PTPRC: variants seen among roughly 807,000 people sequenced by gnomAD.
The protein encoded by PTPRC is receptor-type tyrosine-protein phosphatase C.
A neutral mutation model predicts 155.9 loss-of-function variants in PTPRC; 44 were observed. The observed-to-expected ratio is 0.28, with a 90% confidence interval of 0.22 to 0.36. The LOEUF (loss-of-function observed/expected upper bound fraction) is 0.36. Ranked by LOEUF, PTPRC falls within the 10% of genes least tolerant of loss-of-function variation. The pLI, the probability that PTPRC is intolerant of heterozygous loss-of-function variation, is 1.00. For missense variants in PTPRC, 1,401 were observed against 1,564.6 expected (o/e 0.90, Z 1.76); for synonymous variants, 525 against 533.1 (o/e 0.98, Z 0.21).
chr1:198,731,553 T>G, intron 17 of PTPRC, 64 bp from the exon 18 acceptor site: 3 of 1,233,780 alleles, frequency 2.4e-6, no homozygotes, highest in Non-Finnish European at 3.6e-6. Flanking sequence ...GTAAATTTAA[T>G]GAAATGTGTA....
In PTPRC at chr1:198,757,472, G is replaced by A. The variant is rs1413665821; in HGVS notation, c.*1291G>A. 6.6e-6 allele frequency: 1 copy of A among 151,380 alleles called. No individual in the cohort carries two copies. The allele number at this position is 151,380 out of a possible 1,614,324, so 9.4% of individuals were successfully genotyped here. A position where few individuals can be genotyped will look rare whatever the true frequency, so the allele number is the denominator to read the frequency against. On this transcript the variant is annotated 3_prime_UTR_variant, in exon 33 of 33. Coordinates refer to ENST00000442510, the MANE Select transcript of PTPRC (RefSeq NM_002838.5). ...CATGAAGTAATAAAAACTCGTTTTG[G>A]TGAATTCTGTAATAGCTTATCATGA... is the stretch of plus-strand genomic sequence containing the variant.
At chr1:198,743,188 A>G (rs1226510540) in intron 25 of PTPRC, among the ~76,000 whole-genome samples, 2 of 151,794 alleles carry the variant, frequency 1.3e-5, no homozygotes, top group Non-Finnish European at 2.9e-5. Flanking sequence ...TGTACAACAA[A>G]TGCTATGTTG....
Position 198,708,257 on chromosome 1 carries a change from G to A in PTPRC, c.1029G>A (p.Gln343=), listed in dbSNP as rs41314043. 25,315 of 1,605,048 alleles carry A rather than the reference G, an allele frequency of 0.016. 293 individuals are homozygous for A. Among genetic ancestry groups the A allele is most frequent in the Non-Finnish European group, 0.016 (18,803 of 1,173,532 alleles). The change falls in exon 10 of 33, where the codon CAG becomes CAA. Residue 343 remains glutamine, a synonymous_variant. Coordinates refer to ENST00000442510, the MANE Select transcript of PTPRC (RefSeq NM_002838.5). ...CACAGAATATTACCTACAGATTTCAGTGTGGTAAGAATATAACATTGACCA... is the reference window on the plus strand; with the variant it reads ...CACAGAATATTACCTACAGATTTCAATGTGGTAAGAATATAACATTGACCA... ...CDTQNITYRF[Q]CGNMIFDNKE... is the part of the protein sequence containing the mutation.
intron 2 of PTPRC, among the ~76,000 whole-genome samples, chr1:198,684,427 T>G (rs1201830208): frequency 6.6e-6 from 1 of 151,870 alleles, no homozygotes; most frequent in Non-Finnish European, 1.5e-5. Flanking sequence ...TTTTTAATTA[T>G]TTGATTTTAT....
chr1:198,639,928 T>A (rs1662479040), intron 2 of PTPRC, among the ~76,000 whole-genome samples: 1 of 152,042 alleles, frequency 6.6e-6, no homozygotes, highest in African/African-American at 2.4e-5. Flanking sequence ...GTATTTTAAA[T>A]CAAGTTTTTA....
chr1:198,746,143 C>A (rs1428179650), intron 26 of PTPRC, among the ~76,000 whole-genome samples: 5 of 151,624 alleles, frequency 3.3e-5, no homozygotes, highest in Non-Finnish European at 5.9e-5. Context: ...TGATGACAGA[C>A]CTTGGAAAGA....
At chr1:198,653,083 G>T (rs1006240614) in intron 2 of PTPRC, among the ~76,000 whole-genome samples, 1 of 151,602 alleles carries the variant, frequency 6.6e-6, no homozygotes, top group Non-Finnish European at 1.5e-5. Flanking sequence ...CACTGTAAAG[G>T]TATTTTCTAT....
At chr1:198,648,976 A>T (rs1440590258) in intron 2 of PTPRC, among the ~76,000 whole-genome samples, 1 of 151,860 alleles carries the variant, frequency 6.6e-6, no homozygotes, top group Non-Finnish European at 1.5e-5. Flanking sequence ...CACTTTGATC[A>T]TGGAAAACAC....
chr1:198,714,783 C>A (rs1286821468), intron 12 of PTPRC, among the ~76,000 whole-genome samples: 2 of 152,126 alleles, frequency 1.3e-5, no homozygotes, highest in African/African-American at 4.8e-5. Flanking sequence ...AATAAAATTA[C>A]TATTAAAAAT....
chr1:198,714,603 A>G (rs551114351), intron 12 of PTPRC, among the ~76,000 whole-genome samples: 17 of 152,274 alleles, frequency 1.1e-4, no homozygotes, highest in East Asian at 1.9e-4. Flanking sequence ...ATGCCCTGAC[A>G]CTGCATAAAG....
chr1:198,668,790 GA>G (rs1664473998), intron 2 of PTPRC, among the ~76,000 whole-genome samples: 2 of 152,144 alleles, frequency 1.3e-5, no homozygotes, highest in South Asian at 4.1e-4. Context: ...CAGAGTTGGG[GA>G]ATCCATTTCT....
At chr1:198,669,917 A>G (rs930018395) in intron 2 of PTPRC, among the ~76,000 whole-genome samples, 2 of 152,210 alleles carry the variant, frequency 1.3e-5, no homozygotes, top group African/African-American at 2.4e-5. Flanking sequence ...AAATGAATTT[A>G]TATCAGGTTT....
chr1:198,644,154 A>C (rs1662802637), intron 2 of PTPRC, among the ~76,000 whole-genome samples: 1 of 151,822 alleles, frequency 6.6e-6, no homozygotes, highest in South Asian at 2.1e-4. Flanking sequence ...TTATAGATTT[A>C]TGTAGTTATT....
chr1:198,722,349 AATATAT>A, intron 14 of PTPRC, 61 bp from the exon 15 acceptor site: 2 of 643,696 alleles, frequency 3.1e-6, no homozygotes, highest in Non-Finnish European at 2.2e-6. Context: ...TGTGATATAT[AATATAT>A]ATATATATAT....
chr1:198,679,606 T>A, intron 2 of PTPRC: 1 of 215,656 alleles, frequency 4.6e-6, no homozygotes. Context: ...ATTTTGAATT[T>A]GCCACTGTGG....
chr1:198,691,217 A>T (rs1048844408), intron 2 of PTPRC, among the ~76,000 whole-genome samples: 2 of 152,052 alleles, frequency 1.3e-5, no homozygotes, highest in Non-Finnish European at 2.9e-5. Flanking sequence ...ATCAGCCCAG[A>T]TGTATGTCAT....
At chr1:198,735,850 A>C (rs1386953451) in intron 23 of PTPRC, among the ~76,000 whole-genome samples, 1 of 151,576 alleles carries the variant, frequency 6.6e-6, no homozygotes, top group African/African-American at 2.4e-5. Context: ...TGAGGAGGTC[A>C]AACAGAAATG....
intron 2 of PTPRC, among the ~76,000 whole-genome samples, chr1:198,687,265 T>C (rs1424146794): frequency 6.6e-6 from 1 of 152,136 alleles, no homozygotes; most frequent in Non-Finnish European, 1.5e-5. Context: ...GGATTACAGG[T>C]GTGAACCATT....
rs1655733357 is a variant in PTPRC, at chr1:198,757,336, G to A, written c.*1155G>A. On this transcript the variant is annotated 3_prime_UTR_variant, in exon 33 of 33. Transcript: ENST00000442510. ...AATGTGTATGCACCTATTGAAATATGTTTAATGCATTTATTAACATTTGCA... is the reference window on the plus strand; with the variant it reads ...AATGTGTATGCACCTATTGAAATATATTTAATGCATTTATTAACATTTGCA... 6.6e-6 allele frequency: 1 copy of A among 151,190 alleles called. No individual in the cohort carries two copies. The highest frequency in any genetic ancestry group is 2.4e-5 in the African/African-American group (1 of 41,218). 9.4% of individuals were successfully genotyped at this position (151,190 alleles called of 1,614,324 possible).
Sources: allele counts gnomAD v4.1 joint callset (sites outside exome capture counted in the v4.1 genomes callset), GRCh38; gene constraint gnomAD v4.1.1; transcripts MANE v1.5; gene names NCBI Gene and HGNC (gene_info 2026-07-23, HGNC 2026-07-21).